FBXL17: variants seen among roughly 807,000 people sequenced by gnomAD.
FBXL17 encodes the protein F-box/LRR-repeat protein 17.
In FBXL17, 22 loss-of-function variants were observed where a neutral mutation model predicts 66.2. The observed-to-expected ratio is 0.33, with a 90% confidence interval of 0.24 to 0.47. The LOEUF (loss-of-function observed/expected upper bound fraction) is 0.47, where lower values mean the gene tolerates loss of function less well. Among genes scored for constraint, FBXL17 ranks in the 20% least tolerant of loss-of-function variants. The pLI is 1.00. For synonymous variants in FBXL17, 474 were observed against 400.5 expected (o/e 1.18, Z -2.19); for missense variants, 878 against 948.2 (o/e 0.93, Z 0.97).
intron 7 of FBXL17, among the ~76,000 whole-genome samples, chr5:107,954,380 C>T (rs1424017934): frequency 6.6e-6 from 1 of 152,128 alleles, no homozygotes; most frequent in Non-Finnish European, 1.5e-5. Context: ...CTTTAAAAGA[C>T]CAGTGATATC....
intron 4 of FBXL17, among the ~76,000 whole-genome samples, chr5:108,319,506 T>G (rs1182218603): frequency 6.6e-6 from 1 of 151,796 alleles, no homozygotes; most frequent in East Asian, 1.9e-4. Context: ...TTATAAAACA[T>G]TTGAAATAAT....
intron 7 of FBXL17, among the ~76,000 whole-genome samples, chr5:107,950,496 A>T (rs1014251316): frequency 3.9e-5 from 6 of 152,176 alleles, no homozygotes; most frequent in South Asian, 2.1e-4. Flanking sequence ...GATACATATA[A>T]ATATGGGGTA....
chr5:108,171,507 A>G (rs1187898986), intron 6 of FBXL17, among the ~76,000 whole-genome samples: 1 of 152,242 alleles, frequency 6.6e-6, no homozygotes, highest in African/African-American at 2.4e-5. Flanking sequence ...TGATAATTAA[A>G]TAACTTAATG....
intron 7 of FBXL17, among the ~76,000 whole-genome samples, chr5:107,954,477 T>C (rs1240203269): frequency 6.6e-6 from 1 of 152,228 alleles, no homozygotes; most frequent in African/African-American, 2.4e-5. Flanking sequence ...AGGAGCACTG[T>C]TACAGAGTGC....
At chr5:108,066,097 G>T (rs1364628675) in intron 6 of FBXL17, among the ~76,000 whole-genome samples, 1 of 152,098 alleles carries the variant, frequency 6.6e-6, no homozygotes, top group Non-Finnish European at 1.5e-5. Flanking sequence ...GGAGGGAAGA[G>T]TAAGTGGGTA....
intron 7 of FBXL17, among the ~76,000 whole-genome samples, chr5:108,006,608 T>C (rs1226405165): frequency 2.0e-5 from 3 of 152,230 alleles, no homozygotes; most frequent in Non-Finnish European, 4.4e-5. Context: ...AGTGCAGGGA[T>C]ATGATGCTTT....
chr5:108,252,383 G>T (rs1007475355), intron 4 of FBXL17, among the ~76,000 whole-genome samples: 4 of 151,922 alleles, frequency 2.6e-5, no homozygotes, highest in Admixed American at 2.6e-4. Flanking sequence ...GCTTTACAAG[G>T]TTAAAAAACA....
chr5:108,113,794 C>T (rs1750133880), intron 6 of FBXL17, among the ~76,000 whole-genome samples: 1 of 152,110 alleles, frequency 6.6e-6, no homozygotes, highest in Admixed American at 6.6e-5. Flanking sequence ...TCATTCTATA[C>T]CATATATCCG....
At chr5:108,242,407 G>A (rs572552059) in intron 4 of FBXL17, among the ~76,000 whole-genome samples, 2 of 148,820 alleles carry the variant, frequency 1.3e-5, no homozygotes, top group Non-Finnish European at 3.0e-5. Context: ...GTCATTGTAG[G>A]GATGAGTTTT....
Position 108,216,167 on chromosome 5 carries a change from C to T in FBXL17, c.1614+7954G>A, listed in dbSNP as rs139615436. Among the ~76,000 whole-genome samples the T allele has an allele frequency of 9.3e-3, 1,414 of 151,982 alleles. 9 individuals are homozygous for T. The highest frequency in any genetic ancestry group is 0.015 in the Non-Finnish European group (995 of 67,954). ...TGTTTTTCTTTTTTTGAGATAGTTA[C>T]GGCTCTTCAGTTGTCCTGCAATTCA... On this transcript the variant is annotated intron_variant, in intron 5 of 8. Transcript: ENST00000542267.
chr5:108,233,269 T>C (rs1198099069), intron 4 of FBXL17, among the ~76,000 whole-genome samples: 1 of 152,154 alleles, frequency 6.6e-6, no homozygotes, highest in African/African-American at 2.4e-5. Context: ...TCAGAGTTCA[T>C]CTTTGTTTAT....
intron 6 of FBXL17, among the ~76,000 whole-genome samples, chr5:108,057,761 C>T (rs759829110): frequency 6.6e-6 from 1 of 152,168 alleles, no homozygotes; most frequent in African/African-American, 2.4e-5. Flanking sequence ...TTTCAGCAAT[C>T]CCATTACAAT....
intron 7 of FBXL17, among the ~76,000 whole-genome samples, chr5:107,951,002 C>A (rs114384313): frequency 6.6e-6 from 1 of 152,150 alleles, no homozygotes; most frequent in Admixed American, 6.5e-5. Context: ...GGCATCTGGA[C>A]GATGGCCTGC....
rs1749989009 is a variant in FBXL17, at chr5:108,381,871, G to T, written c.-180C>A. ...GGGGGGTGGGCGTCAGCTGCGGGCC[G>T]CCGGAGTGCCCGACGGGGGCTACAT... On this transcript the variant is annotated 5_prime_UTR_variant, in exon 1 of 9. Transcript: ENST00000542267. The T allele has an allele frequency of 3.1e-6, 4 of 1,292,810 alleles. No homozygotes were observed. Among genetic ancestry groups the T allele is most frequent in the East Asian group, 3.2e-5 (1 of 31,726 alleles). The allele number at this position is 1,292,810 out of a possible 1,614,324, so 80.1% of individuals were successfully genotyped here.
At chr5:107,907,589 A>C (rs1580702141) in intron 7 of FBXL17, among the ~76,000 whole-genome samples, 1 of 152,142 alleles carries the variant, frequency 6.6e-6, no homozygotes. Context: ...AACTCAAACA[A>C]ATTTACAAGA....
At chr5:107,863,997 A>T (rs1748206209) in intron 8 of FBXL17, among the ~76,000 whole-genome samples, 1 of 152,258 alleles carries the variant, frequency 6.6e-6, no homozygotes, top group Admixed American at 6.5e-5. Flanking sequence ...GCCTATGGAG[A>T]TTAAAGATTG....
At position 108,380,953 on chromosome 5, in the gene FBXL17, A is replaced by T. The variant is rs1749832652; in HGVS notation, c.739T>A (p.Cys247Ser). The T allele has an allele frequency of 1.4e-5, 17 of 1,221,336 alleles. No individual in the cohort carries two copies. The highest frequency in any genetic ancestry group is 1.6e-5 in the Non-Finnish European group (16 of 980,514). The allele number at this position is 1,221,336 out of a possible 1,614,324, so 75.7% of individuals were successfully genotyped here. A position where few individuals can be genotyped will look rare whatever the true frequency, so the allele number is the denominator to read the frequency against. The change falls in exon 1 of 9, where the codon TGC becomes AGC. Residue 247 changes from cysteine to serine, a missense_variant. Physicochemically the swap from Cys to Ser is moderately radical, Grantham distance 112. Coordinates refer to ENST00000542267, the MANE Select transcript of FBXL17 (RefSeq NM_001163315.3). Reference sequence around the variant, plus strand: ...GGGGGCTGCTCCGGGGCCTGGCAGCAGCCGGCGTCGGGGGGCCGGGGCGGC... The same window carrying T: ...GGGGGCTGCTCCGGGGCCTGGCAGCTGCCGGCGTCGGGGGGCCGGGGCGGC... Reference protein sequence around the residue: ...ASPPRPPDAGCCQAPEQPPQP... With the variant: ...ASPPRPPDAGSCQAPEQPPQP...
chr5:108,248,405 G>GA (rs1756203234), intron 4 of FBXL17, among the ~76,000 whole-genome samples: 1 of 152,098 alleles, frequency 6.6e-6, no homozygotes, highest in Non-Finnish European at 1.5e-5. Context: ...TACCCAATCT[G>GA]AAAAACAGAG....
At chr5:108,079,377 T>G (rs1748679090) in intron 6 of FBXL17, among the ~76,000 whole-genome samples, 1 of 152,086 alleles carries the variant, frequency 6.6e-6, no homozygotes, top group Non-Finnish European at 1.5e-5. Context: ...TTTTTTAGAA[T>G]TTTTGACATA....
Sources: allele counts gnomAD v4.1 joint callset (sites outside exome capture counted in the v4.1 genomes callset), GRCh38; gene constraint gnomAD v4.1.1; transcripts MANE v1.5; gene names NCBI Gene and HGNC (gene_info 2026-07-23, HGNC 2026-07-21).